ANO1: variants seen among roughly 807,000 people sequenced by gnomAD.
ANO1 encodes anoctamin-1.
A neutral mutation model predicts 124.0 loss-of-function variants in ANO1; 59 were observed. That is an observed-to-expected ratio of 0.48 (90% confidence interval 0.39 to 0.59). The LOEUF (loss-of-function observed/expected upper bound fraction) is 0.59, where lower values mean the gene tolerates loss of function less well. ANO1 is among the 20% of genes least tolerant of loss of function. The pLI, the probability that ANO1 is intolerant of heterozygous loss-of-function variation, is 0.00. For missense variants in ANO1, 1,059 were observed against 1,328.0 expected, an observed-to-expected ratio of 0.80 and a Z score of 3.15; for synonymous variants, 529 against 532.0, an observed-to-expected ratio of 0.99 and a Z score of 0.08.
intron 1 of ANO1, among the ~76,000 whole-genome samples, chr11:70,021,858 G>A (rs1856816209): frequency 6.6e-6 from 1 of 152,184 alleles, no homozygotes; most frequent in South Asian, 2.1e-4. Context: ...GCAGGAGCGT[G>A]CGAACTGAAT....
chr11:70,084,634 C>A (rs1184522061), intron 1 of ANO1, among the ~76,000 whole-genome samples: 1 of 152,190 alleles, frequency 6.6e-6, no homozygotes, highest in Non-Finnish European at 1.5e-5. Context: ...CACGGCCTGC[C>A]ATGAAGCCAG....
intron 23 of ANO1, among the ~76,000 whole-genome samples, chr11:70,180,942 C>T (rs2048905493): frequency 6.6e-6 from 1 of 152,176 alleles, no homozygotes; most frequent in African/African-American, 2.4e-5. Flanking sequence ...GCATGGCAGC[C>T]CCTTCCAGCC....
At chr11:69,994,461 T>C (rs72933841) in intron 1 of ANO1, among the ~76,000 whole-genome samples, 10,424 of 151,936 alleles carry the variant, frequency 0.069, 680 homozygotes, top group Admixed American at 0.13. Context: ...AATGGAGGAA[T>C]GGAGATAGAC....
intron 2 of ANO1, among the ~76,000 whole-genome samples, chr11:70,094,474 G>T (rs189907072): frequency 3.3e-5 from 5 of 152,180 alleles, no homozygotes; most frequent in South Asian, 2.1e-4. Context: ...GAGGAGTCTC[G>T]GGCCTAATCC....
At position 70,185,562 on chromosome 11, in the gene ANO1, C is replaced by T. The variant is rs771434789; in HGVS notation, c.2589-28C>T. Reference sequence around the variant, plus strand: ...GAGCCTGAGCCCCACCGAAGTCCCACCCTCGACTCCACCACGGTCTTTTGC... The same window carrying T: ...GAGCCTGAGCCCCACCGAAGTCCCATCCTCGACTCCACCACGGTCTTTTGC... On this transcript the variant is annotated intron_variant, in intron 24 of 25. Coordinates refer to ENST00000355303, the MANE Select transcript of ANO1 (RefSeq NM_018043.7). 9 of 1,604,552 alleles carry T rather than the reference C, an allele frequency of 5.6e-6. No individual in the cohort carries two copies. In the South Asian group the frequency reaches 7.7e-5, roughly 14 times the overall value.
chr11:70,123,190 C>G (rs2046364609), intron 8 of ANO1, among the ~76,000 whole-genome samples: 1 of 152,222 alleles, frequency 6.6e-6, no homozygotes, highest in Admixed American at 6.5e-5. Flanking sequence ...GCAGACAAGT[C>G]ACAAGCCCCT....
At chr11:70,118,127 G>A (rs1032587528) in intron 8 of ANO1, among the ~76,000 whole-genome samples, 58 of 151,618 alleles carry the variant, frequency 3.8e-4, no homozygotes, top group African/African-American at 1.3e-3. Context: ...TTCTTCCATG[G>A]ACACCAGTAG....
intron 1 of ANO1, among the ~76,000 whole-genome samples, chr11:70,033,217 C>T (rs559690833): frequency 2.0e-5 from 3 of 152,100 alleles, no homozygotes; most frequent in Non-Finnish European, 2.9e-5. Context: ...TGCTTGCTCC[C>T]GTTTTCCTGA....
chr11:69,968,149 C>A, the ANO1 span, among the ~76,000 whole-genome samples: 1 of 152,120 alleles, frequency 6.6e-6, no homozygotes, highest in African/African-American at 2.4e-5. Flanking sequence ...AGGAAGCTGA[C>A]CACCTTCCCC....
chr11:70,108,375 C>T lies in ANO1; in HGVS notation c.770C>T (p.Thr257Met), dbSNP rs768285449. The change falls in exon 6 of 26, where the codon ACG (threonine) becomes ATG (methionine). Residue 257 changes from threonine (T) to methionine (M), a missense_variant. This residue lies in a region of ANO1 where 809 missense variants were observed against 1,094.9 expected (regional missense o/e 0.74). Transcript: ENST00000355303. ...STIVYEILKR[T>M]TCTKAKYSMG... ...TAGGTCTATGAGATCTTGAAGAGAA[C>T]GACGTGTACAAAGGCCAAGTACAGC... 16 of 1,612,370 alleles carry T rather than the reference C, an allele frequency of 9.9e-6. No homozygotes were observed. The highest frequency in any genetic ancestry group is 1.7e-5 in the Admixed American group (1 of 59,990).
At chr11:70,108,297 T>C in intron 5 of ANO1, 56 bp from the exon 6 acceptor site, 1 of 1,558,708 alleles carries the variant, frequency 6.4e-7, no homozygotes, top group South Asian at 1.1e-5. Flanking sequence ...AGACTGTTTC[T>C]GCTCGTGGAA....
At chr11:70,072,576 A>T (rs1591075413) in intron 1 of ANO1, 2 of 152,232 alleles carry the variant, frequency 1.3e-5, no homozygotes, top group Non-Finnish European at 2.9e-5. Flanking sequence ...GGAGGGTGTG[A>T]TGAGGCCCCA....
intron 14 of ANO1, among the ~76,000 whole-genome samples, chr11:70,155,649 G>A (rs1348779801): frequency 6.6e-6 from 1 of 152,234 alleles, no homozygotes; most frequent in Non-Finnish European, 1.5e-5. Flanking sequence ...GGGGCATGAC[G>A]CGGTCCAGTG....
chr11:70,124,101 G>T (rs2046395295), intron 8 of ANO1, among the ~76,000 whole-genome samples: 1 of 152,132 alleles, frequency 6.6e-6, no homozygotes, highest in Non-Finnish European at 1.5e-5. Flanking sequence ...AACCCTAAAG[G>T]TAAGAAGCCG....
intron 6 of ANO1, among the ~76,000 whole-genome samples, chr11:70,110,973 G>A (rs889349670): frequency 2.0e-5 from 3 of 152,258 alleles, no homozygotes; most frequent in Non-Finnish European, 4.4e-5. Context: ...TGGGGGCCAC[G>A]TAAAAAGGGG....
intron 6 of ANO1, among the ~76,000 whole-genome samples, chr11:70,110,311 C>T (rs1385173673): frequency 6.6e-6 from 1 of 151,782 alleles, no homozygotes; most frequent in Non-Finnish European, 1.5e-5. Flanking sequence ...CTCAGCCTCC[C>T]GAGTAGCTGG....
At chr11:70,066,374 T>C (rs1467159940) in intron 1 of ANO1, among the ~76,000 whole-genome samples, 1 of 152,128 alleles carries the variant, frequency 6.6e-6, no homozygotes, top group Non-Finnish European at 1.5e-5. Context: ...GCCTGTCTTC[T>C]TATTGGGACT....
chr11:69,970,647 G>A, the ANO1 span, among the ~76,000 whole-genome samples: 80 of 152,276 alleles, frequency 5.3e-4, 1 homozygote, highest in African/African-American at 1.6e-3. Flanking sequence ...ATGTGGCCTC[G>A]CAGGGAGTGG....
At chr11:70,176,620 G>T (rs1372813664) in intron 22 of ANO1, among the ~76,000 whole-genome samples, 3 of 152,142 alleles carry the variant, frequency 2.0e-5, no homozygotes, top group Non-Finnish European at 4.4e-5. Context: ...GGTCTGTGTT[G>T]ATGTTCATGC....
Sources: allele counts gnomAD v4.1 joint callset (sites outside exome capture counted in the v4.1 genomes callset), GRCh38; gene constraint gnomAD v4.1.1; regional missense constraint gnomAD v4.1.1; transcripts MANE v1.5; gene names NCBI Gene and HGNC (gene_info 2026-07-23, HGNC 2026-07-21).